DHRSX: variants seen among roughly 807,000 people sequenced by gnomAD.
DHRSX encodes dehydrogenase/reductase X-linked.
A neutral mutation model predicts 34.0 loss-of-function variants in DHRSX; 31 were observed. The ratio of observed to expected loss-of-function variants is 0.91; its 90% CI spans 0.69 to 1.23. The LOEUF (loss-of-function observed/expected upper bound fraction) is 1.23. Ranked by LOEUF, DHRSX falls within the 50% of genes most tolerant of loss-of-function variation. The pLI, the probability that DHRSX is intolerant of heterozygous loss-of-function variation, is 0.00. For missense variants in DHRSX, 414 were observed against 428.1 expected (o/e 0.97, Z 0.29); for synonymous variants, 201 against 183.8 (o/e 1.09, Z -0.76).
chrX:2,466,444 A>T (rs2044497659), intron 1 of DHRSX, among the ~76,000 whole-genome samples: 1 of 152,178 alleles, frequency 6.6e-6, no homozygotes, highest in South Asian at 2.1e-4. Context: ...GTCTCAAAAG[A>T]AAAAGAAAAA....
chrX:2,488,344 T>A, intron 1 of DHRSX: 1 of 378,042 alleles, frequency 2.6e-6, no homozygotes, highest in Non-Finnish European at 4.7e-6. Context: ...CTGGCTAATT[T>A]TTGTATTTTT....
At chrX:2,237,095 C>T (rs1190197584) in intron 6 of DHRSX, among the ~76,000 whole-genome samples, 2 of 151,662 alleles carry the variant, frequency 1.3e-5, no homozygotes, top group African/African-American at 4.8e-5. Context: ...AGGATGAGGC[C>T]GAATTGCTTG....
At chrX:2,249,024 G>A (rs1225827742) in intron 5 of DHRSX, among the ~76,000 whole-genome samples, 3 of 152,014 alleles carry the variant, frequency 2.0e-5, no homozygotes, top group African/African-American at 7.2e-5. Flanking sequence ...TGCAAAATCA[G>A]AGGGAATGAC....
At chrX:2,467,906 G>C (rs184550158) in intron 1 of DHRSX, among the ~76,000 whole-genome samples, 1 of 150,738 alleles carries the variant, frequency 6.6e-6, no homozygotes, top group East Asian at 2.0e-4. Flanking sequence ...GAGGTTGCAG[G>C]GAGCTGAGAT....
Position 2,250,227 on chromosome X carries a change from C to T in DHRSX, c.597-6997G>A, listed in dbSNP as rs1238235181. On this transcript the variant is annotated intron_variant, in intron 5 of 6. Coordinates refer to ENST00000334651, the MANE Select transcript of DHRSX (RefSeq NM_145177.3). Reference sequence around the variant, plus strand: ...TCTTTTCTGGCTGGGTGCAGTGGCTCACATCTGTAATCCCAGCAGAACTTT... The same window carrying T: ...TCTTTTCTGGCTGGGTGCAGTGGCTTACATCTGTAATCCCAGCAGAACTTT... 5.3e-5 allele frequency among the ~76,000 whole-genome samples: 8 copies of T among 151,236 alleles called. No homozygotes were observed. In the South Asian group the frequency reaches 6.3e-4, roughly 12 times the overall value.
intron 3 of DHRSX, among the ~76,000 whole-genome samples, chrX:2,311,045 GAAC>G (rs998798998): frequency 4.7e-4 from 59 of 126,328 alleles, no homozygotes; most frequent in Non-Finnish European, 8.1e-4. Context: ...TGAATGAGAA[GAAC>G]AACACTCTGT....
intron 1 of DHRSX, among the ~76,000 whole-genome samples, chrX:2,431,152 G>C (rs770703756): frequency 2.8e-4 from 43 of 151,910 alleles, no homozygotes; most frequent in Admixed American, 2.4e-3. Context: ...GGTGAAACCC[G>C]GTCTCTACTA....
At chrX:2,291,634 G>T in intron 3 of DHRSX, 31 bp from the exon 4 acceptor site, 1 of 1,487,970 alleles carries the variant, frequency 6.7e-7, no homozygotes, top group Admixed American at 1.7e-5. Flanking sequence ...AAAATACCTG[G>T]TTATCTCCCA....
intron 4 of DHRSX, among the ~76,000 whole-genome samples, chrX:2,282,631 A>AAGAG (rs1323825645): frequency 1.7e-5 from 2 of 116,718 alleles, no homozygotes; most frequent in Non-Finnish European, 3.7e-5. Flanking sequence ...GGAGAGAAGA[A>AAGAG]GGGAAAGGGA....
Position 2,220,985 on chromosome X carries a change from A to G in DHRSX, c.*56T>C. On this transcript the variant is annotated 3_prime_UTR_variant, in exon 7 of 7. Coordinates refer to ENST00000334651, the MANE Select transcript of DHRSX (RefSeq NM_145177.3). ...ACACCGCAGTCTTCACAGACCCACAAGCTATTGGCAGGTGCAATGTGTTTC... is the reference window on the plus strand; with the variant it reads ...ACACCGCAGTCTTCACAGACCCACAGGCTATTGGCAGGTGCAATGTGTTTC... 1.3e-6 allele frequency: 2 copies of G among 1,562,174 alleles called. No individual in the cohort carries two copies. Among genetic ancestry groups the G allele is most frequent in the Non-Finnish European group, 8.8e-7 (1 of 1,142,852 alleles).
At chrX:2,324,241 C>T (rs1186026428) in intron 3 of DHRSX, among the ~76,000 whole-genome samples, 6 of 152,092 alleles carry the variant, frequency 3.9e-5, no homozygotes, top group African/African-American at 1.2e-4. Flanking sequence ...GGGTTGAGGA[C>T]GCATGCATGT....
At chrX:2,424,299 T>C (rs2043815991) in intron 2 of DHRSX, among the ~76,000 whole-genome samples, 1 of 151,380 alleles carries the variant, frequency 6.6e-6, no homozygotes, top group South Asian at 2.1e-4. Flanking sequence ...GCCCATTCTA[T>C]GGTAATTCTG....
chrX:2,455,929 G>GCC (rs1184791319), intron 1 of DHRSX, among the ~76,000 whole-genome samples: 15 of 152,024 alleles, frequency 9.9e-5, no homozygotes, highest in Non-Finnish European at 1.9e-4. Flanking sequence ...TTTCAATGTA[G>GCC]AAGGTGCATG....
intron 5 of DHRSX, among the ~76,000 whole-genome samples, chrX:2,265,128 C>T (rs371048570): frequency 1.8e-3 from 242 of 134,688 alleles, no homozygotes; most frequent in East Asian, 3.3e-3. Flanking sequence ...GCTCAGCAGA[C>T]GCAGGGAGCA....
At chrX:2,405,259 C>T (rs752874491) in intron 3 of DHRSX, among the ~76,000 whole-genome samples, 2 of 151,210 alleles carry the variant, frequency 1.3e-5, no homozygotes, top group East Asian at 3.9e-4. Flanking sequence ...GAGGCTGAGG[C>T]GGGTGGATCA....
chrX:2,275,377 C>T (rs112843626), intron 4 of DHRSX, among the ~76,000 whole-genome samples: 36,343 of 148,678 alleles, frequency 0.24, 6,134 homozygotes, highest in African/African-American at 0.48. Context: ...AGTGTGGTGG[C>T]GGGCACCTGT....
rs184332286 is a variant in DHRSX, at chrX:2,248,489, T to C, written c.597-5259A>G. On this transcript the variant is annotated intron_variant, in intron 5 of 6. Coordinates refer to ENST00000334651, the MANE Select transcript of DHRSX (RefSeq NM_145177.3). Reference sequence around the variant, plus strand: ...TTAGCCAAGTGTGGTGGCGGGCACCTGTAGTCCCAGCTACTCGGGAGGCTG... The same window carrying C: ...TTAGCCAAGTGTGGTGGCGGGCACCCGTAGTCCCAGCTACTCGGGAGGCTG... 4.8e-5 allele frequency among the ~76,000 whole-genome samples: 7 copies of C among 145,230 alleles called. No homozygotes were observed. In the East Asian group the frequency reaches 8.0e-4, roughly 17 times the overall value.
intron 3 of DHRSX, among the ~76,000 whole-genome samples, chrX:2,385,770 A>T (rs964253867): frequency 3.3e-5 from 5 of 151,964 alleles, no homozygotes; most frequent in African/African-American, 1.2e-4. Context: ...ATTAAACTAG[A>T]TTTTCTTTAT....
At chrX:2,425,410 T>C in intron 1 of DHRSX, 106 bp from the exon 2 acceptor site, 1 of 985,096 alleles carries the variant, frequency 1.0e-6, no homozygotes, top group Non-Finnish European at 1.6e-6. Context: ...GAGTTATGGT[T>C]CATTTATTTC....
Sources: allele counts gnomAD v4.1 joint callset (sites outside exome capture counted in the v4.1 genomes callset), GRCh38; gene constraint gnomAD v4.1.1; transcripts MANE v1.5; gene names NCBI Gene and HGNC (gene_info 2026-07-23, HGNC 2026-07-21).